Variants in FSHR observed in about 807,000 individuals in gnomAD.
The protein encoded by FSHR is follicle-stimulating hormone receptor.
Under a neutral mutation model 52.1 loss-of-function variants are expected in FSHR, and 46 were observed. The ratio of observed to expected loss-of-function variants is 0.88; its 90% CI spans 0.70 to 1.13. The LOEUF is 1.13. Among genes scored for constraint, FSHR ranks in the 50% most tolerant of loss-of-function variants. The pLI is 0.00. For synonymous variants in FSHR, 399 were observed against 309.6 expected, an observed-to-expected ratio of 1.29 and a Z score of -3.03; for missense variants, 964 against 834.6, an observed-to-expected ratio of 1.16 and a Z score of -1.91.
At chr2:49,127,666 C>T (rs1203126230) in intron 1 of FSHR, among the ~76,000 whole-genome samples, 1 of 152,050 alleles carries the variant, frequency 6.6e-6, no homozygotes, top group Non-Finnish European at 1.5e-5. Context: ...GCCAATCCTG[C>T]CTCTGCTACC....
chr2:49,017,079 C>G (rs771391670), intron 4 of FSHR, among the ~76,000 whole-genome samples: 1 of 151,960 alleles, frequency 6.6e-6, no homozygotes, highest in Non-Finnish European at 1.5e-5. Flanking sequence ...ACAAAATAAA[C>G]AAAATAAAAT....
intron 8 of FSHR, among the ~76,000 whole-genome samples, chr2:48,980,071 CA>C (rs996115048): frequency 9.9e-5 from 15 of 152,116 alleles, no homozygotes; most frequent in African/African-American, 3.6e-4. Flanking sequence ...CTCAGGTCAG[CA>C]GGGGGAGAGG....
At chr2:49,110,632 G>C (rs148958343) in intron 1 of FSHR, among the ~76,000 whole-genome samples, 14 of 152,174 alleles carry the variant, frequency 9.2e-5, no homozygotes, top group Admixed American at 2.0e-4. Context: ...GTGACAGCTG[G>C]TAAAGGATTT....
intron 1 of FSHR, among the ~76,000 whole-genome samples, chr2:49,123,882 T>C (rs1034377497): frequency 6.6e-6 from 1 of 152,194 alleles, no homozygotes; most frequent in Admixed American, 6.5e-5. Flanking sequence ...TACTAGGGTA[T>C]GTGGCTTAAG....
chr2:48,976,154 C>A (rs559831472), intron 8 of FSHR, among the ~76,000 whole-genome samples: 26 of 152,116 alleles, frequency 1.7e-4, no homozygotes, highest in Non-Finnish European at 3.2e-4. Flanking sequence ...TTTTGAGATA[C>A]GGTCCATCAA....
At chr2:49,100,060 A>G (rs1006221278) in intron 1 of FSHR, among the ~76,000 whole-genome samples, 3 of 152,160 alleles carry the variant, frequency 2.0e-5, no homozygotes, top group Non-Finnish European at 4.4e-5. Context: ...AGCTTACTCC[A>G]TTGCAGGCTC....
chr2:49,127,742 TTC>T (rs199623924), intron 1 of FSHR, among the ~76,000 whole-genome samples: 1,338 of 98,684 alleles, frequency 0.014, 102 homozygotes, highest in East Asian at 0.034. Context: ...GCATGATTTC[TTC>T]TTCTTCTTTC....
At chr2:48,995,866 C>A (rs186595576) in intron 4 of FSHR, among the ~76,000 whole-genome samples, 9 of 152,180 alleles carry the variant, frequency 5.9e-5, no homozygotes, top group Admixed American at 3.9e-4. Flanking sequence ...TACCTCTGTT[C>A]CACACCAAAT....
intron 4 of FSHR, among the ~76,000 whole-genome samples, chr2:48,999,934 C>T (rs181257925): frequency 8.4e-4 from 128 of 152,230 alleles, no homozygotes; most frequent in Admixed American, 2.0e-3. Flanking sequence ...TTTATGTCAC[C>T]TTCTTTTACT....
intron 1 of FSHR, among the ~76,000 whole-genome samples, chr2:49,080,072 C>A (rs1302283541): frequency 6.6e-6 from 1 of 151,974 alleles, no homozygotes; most frequent in African/African-American, 2.4e-5. Flanking sequence ...AGATAAAATG[C>A]AAACGATCAA....
Position 48,996,618 on chromosome 2 carries a change from C to T in FSHR, c.375-5981G>A, listed in dbSNP as rs138677248. Among the ~76,000 whole-genome samples, 804 of 152,018 alleles carry T rather than the reference C, an allele frequency of 5.3e-3. 1 individual carries two copies. Among genetic ancestry groups the T allele is most frequent in the Non-Finnish European group, 8.6e-3 (582 of 67,944 alleles). On this transcript the variant is annotated intron_variant, in intron 4 of 9. Transcript: ENST00000406846. ...AAACCATGACATCACCAAGAAAAAG[C>T]ACAAATATGGGGATAAAAGGCCCTA...
At chr2:49,027,763 T>A (rs1667958034) in intron 2 of FSHR, among the ~76,000 whole-genome samples, 1 of 148,332 alleles carries the variant, frequency 6.7e-6, no homozygotes, top group South Asian at 2.1e-4. Flanking sequence ...GGCATTAGAA[T>A]CACTTGAGCC....
At chr2:49,034,549 A>T (rs559078407) in intron 2 of FSHR, among the ~76,000 whole-genome samples, 2 of 152,302 alleles carry the variant, frequency 1.3e-5, no homozygotes, top group Admixed American at 1.3e-4. Flanking sequence ...TAAAGTGAGT[A>T]AAAAACTGTC....
intron 4 of FSHR, among the ~76,000 whole-genome samples, chr2:49,012,222 G>T (rs191483777): frequency 1.3e-5 from 2 of 152,202 alleles, no homozygotes; most frequent in Non-Finnish European, 2.9e-5. Context: ...GCAAAGGCAA[G>T]AAAATATTGT....
chr2:49,124,691 TTC>T (rs1180219638), intron 1 of FSHR, among the ~76,000 whole-genome samples: 7 of 152,344 alleles, frequency 4.6e-5, no homozygotes, highest in Non-Finnish European at 7.3e-5. Flanking sequence ...TCTCATCACC[TTC>T]TCTGTTACCA....
chr2:49,062,407 G>C (rs768725734), intron 2 of FSHR, among the ~76,000 whole-genome samples: 1 of 151,950 alleles, frequency 6.6e-6, no homozygotes, highest in Non-Finnish European at 1.5e-5. Context: ...ATATACAAAA[G>C]TCAACTCAAA....
At chr2:48,980,195 G>T (rs1675184415) in intron 8 of FSHR, among the ~76,000 whole-genome samples, 1 of 152,160 alleles carries the variant, frequency 6.6e-6, no homozygotes, top group Non-Finnish European at 1.5e-5. Flanking sequence ...ATTATAGGCT[G>T]GGCTTCCAGC....
chr2:49,054,467 C>T (rs531317257), intron 2 of FSHR, among the ~76,000 whole-genome samples: 71 of 152,132 alleles, frequency 4.7e-4, no homozygotes, highest in African/African-American at 1.5e-3. Context: ...TCCCTGTGGG[C>T]CACCCCAAGC....
chr2:49,035,054 C>G (rs1668230276), intron 2 of FSHR, among the ~76,000 whole-genome samples: 1 of 152,194 alleles, frequency 6.6e-6, no homozygotes, highest in Non-Finnish European at 1.5e-5. Flanking sequence ...AGGTGGCTAC[C>G]CAGTGTCACA....
Sources: gnomAD v4.1 joint callset for allele counts (sites outside exome capture counted in the v4.1 genomes callset) on GRCh38, gnomAD v4.1.1 for gene constraint, MANE v1.5 for transcripts, NCBI Gene and HGNC (gene_info 2026-07-23, HGNC 2026-07-21) for gene names.